The following PSMA8 variants were observed in gnomAD, a reference collection of about 807,000 sequenced individuals.
PSMA8 encodes proteasome 20S subunit alpha 8.
In PSMA8, 18 loss-of-function variants were observed where a neutral mutation model predicts 32.4. That is an observed-to-expected ratio of 0.56 (90% CI 0.38 to 0.82). The LOEUF (loss-of-function observed/expected upper bound fraction) is 0.82. PSMA8 is among the 40% of genes least tolerant of loss of function. PSMA8 has a pLI of 0.00. For missense variants in PSMA8, 298 were observed against 300.7 expected (o/e 0.99, Z 0.07); for synonymous variants, 104 against 98.1 (o/e 1.06, Z -0.36).
intron 6 of PSMA8, among the ~76,000 whole-genome samples, chr18:26,182,573 G>A (rs948330770): frequency 1.1e-4 from 16 of 152,176 alleles, no homozygotes; most frequent in African/African-American, 1.4e-4. Context: ...CAGTAGCTCC[G>A]ATGGACATGT....
chr18:26,139,954 G>C (rs1420272894), intron 1 of PSMA8: 2 of 672,360 alleles, frequency 3.0e-6, no homozygotes, highest in Admixed American at 4.3e-5. Context: ...CTGTACTCTT[G>C]TAGCTTACTG....
At chr18:26,136,774 C>T (rs573506345) in intron 1 of PSMA8, among the ~76,000 whole-genome samples, 74 of 152,284 alleles carry the variant, frequency 4.9e-4, no homozygotes, top group African/African-American at 1.7e-3. Context: ...TGGTATAATT[C>T]ATTTTTCTAT....
chr18:26,134,100 G>A, intron 1 of PSMA8, 33 bp downstream of exon 1: 1 of 1,518,674 alleles, frequency 6.6e-7, no homozygotes, highest in Non-Finnish European at 9.1e-7. Flanking sequence ...ACTATTCCCC[G>A]CTCTGACCTG....
intron 4 of PSMA8, among the ~76,000 whole-genome samples, chr18:26,176,686 A>T (rs938287275): frequency 2.0e-5 from 3 of 152,188 alleles, no homozygotes; most frequent in African/African-American, 7.2e-5. Flanking sequence ...TAATCTCAGC[A>T]CTTTGGGAGG....
Position 26,188,578 on chromosome 18 carries a change from C to T in PSMA8, c.661-3741C>T, listed in dbSNP as rs753825961. 4.6e-5 allele frequency among the ~76,000 whole-genome samples: 7 copies of T among 152,216 alleles called. No homozygotes were observed. In the South Asian group the frequency reaches 8.3e-4, roughly 18 times the overall value. ...GGACAAAACTGAAGGAATCATATTG[C>T]CTGACTTCAAATTATGCTACAGAGC... On this transcript the variant is annotated intron_variant, in intron 6 of 6. Coordinates refer to ENST00000415576, the MANE Select transcript of PSMA8 (RefSeq NM_001025096.2).
Position 26,186,416 on chromosome 18 carries a change from A to G in PSMA8, c.661-5903A>G, listed in dbSNP as rs190126073. On this transcript the variant is annotated intron_variant, in intron 6 of 6. Transcript: ENST00000415576. ...CACATATGGTTATGATGAGTACTGT[A>G]TTATTAAATTAGAAAAACACATAAG... Among the ~76,000 whole-genome samples, 184 of 152,162 alleles carry G rather than the reference A, an allele frequency of 1.2e-3. 1 individual carries two copies. In the Middle Eastern group the frequency reaches 0.014, roughly 11 times the overall value.
intron 4 of PSMA8, among the ~76,000 whole-genome samples, chr18:26,162,934 G>A (rs182629788): frequency 2.0e-5 from 3 of 151,960 alleles, no homozygotes; most frequent in Admixed American, 1.3e-4. Context: ...AGAATAATAA[G>A]CATGTGAGTT....
rs545206088 is a variant in PSMA8 at position 26,183,253 on chromosome 18, G to A, written c.660+4123G>A. 2.1e-4 allele frequency among the ~76,000 whole-genome samples: 31 copies of A among 149,988 alleles called. 1 individual carries two copies. The highest frequency in any genetic ancestry group is 6.6e-4 in the Admixed American group (10 of 15,064). Reference sequence around the variant, plus strand: ...CTGAAAATACAAAAATTAGCTGGGCGTGGTGGTGGGCACCTGTAATCCCAG... The same window carrying A: ...CTGAAAATACAAAAATTAGCTGGGCATGGTGGTGGGCACCTGTAATCCCAG... On this transcript the variant is annotated intron_variant, in intron 6 of 6. Transcript: ENST00000415576.
chr18:26,170,069 A>G (rs2055209238), intron 4 of PSMA8, among the ~76,000 whole-genome samples: 2 of 98,656 alleles, frequency 2.0e-5, no homozygotes, highest in South Asian at 6.3e-4. Context: ...TCTCAGCAGT[A>G]TGGAGCTTGT....
chr18:26,163,213 GTA>G (rs58945617), intron 4 of PSMA8, among the ~76,000 whole-genome samples: 1,922 of 80,482 alleles, frequency 0.024, 54 homozygotes, highest in African/African-American at 0.038. Context: ...ATGTGTGTGT[GTA>G]TATATATATA....
Position 26,162,629 on chromosome 18 carries a change from G to C in PSMA8, c.477+4385G>C, listed in dbSNP as rs8093168. On this transcript the variant is annotated intron_variant, in intron 4 of 6. Transcript: ENST00000415576. ...GCCTGTAATCCCAGCACTTTGGGAG[G>C]CCGAGGTGGGCAGATCACAAGGTCA... 8.4e-3 allele frequency among the ~76,000 whole-genome samples: 1,278 copies of C among 152,252 alleles called. 18 individuals carry two copies. Among genetic ancestry groups the C allele is most frequent in the African/African-American group, 0.03 (1,243 of 41,532 alleles).
At chr18:26,188,340 C>CAAAAA (rs35512719) in intron 6 of PSMA8, among the ~76,000 whole-genome samples, 1 of 143,662 alleles carries the variant, frequency 7.0e-6, no homozygotes. Context: ...AAAAGGACAC[C>CAAAAA]AAAAAAAAAA....
intron 4 of PSMA8, among the ~76,000 whole-genome samples, chr18:26,177,700 A>G (rs778078136): frequency 5.7e-4 from 87 of 152,326 alleles, no homozygotes; most frequent in Admixed American, 2.7e-3. Context: ...AAGGAATAGA[A>G]GCCCTTCTTG....
intron 1 of PSMA8, among the ~76,000 whole-genome samples, chr18:26,135,712 C>G (rs2144262241): frequency 6.6e-6 from 1 of 152,216 alleles, no homozygotes; most frequent in Non-Finnish European, 1.5e-5. Flanking sequence ...TAGGAGAAGA[C>G]TAGGGTGTAA....
intron 6 of PSMA8, among the ~76,000 whole-genome samples, chr18:26,189,408 C>T (rs1368548152): frequency 6.6e-6 from 1 of 152,000 alleles, no homozygotes; most frequent in Non-Finnish European, 1.5e-5. Flanking sequence ...TGGTGTGCTC[C>T]TGTGGTCCCA....
At chr18:26,179,962 G>A (rs1173786409) in intron 6 of PSMA8, among the ~76,000 whole-genome samples, 2 of 149,844 alleles carry the variant, frequency 1.3e-5, no homozygotes, top group African/African-American at 4.9e-5. Flanking sequence ...AAAAAAAAAA[G>A]GATTGTTGCC....
intron 6 of PSMA8, among the ~76,000 whole-genome samples, chr18:26,191,122 T>A (rs1270161682): frequency 6.6e-6 from 1 of 152,164 alleles, no homozygotes; most frequent in Non-Finnish European, 1.5e-5. Context: ...TTTGGCCAAA[T>A]ATAATTTAGC....
intron 1 of PSMA8, among the ~76,000 whole-genome samples, chr18:26,139,766 T>C (rs1239624870): frequency 6.6e-6 from 1 of 152,026 alleles, no homozygotes; most frequent in African/African-American, 2.4e-5. Context: ...AGAAACCAGG[T>C]TGTTGTGGGC....
At position 26,134,067 on chromosome 18, in the gene PSMA8, G is replaced by A; in HGVS notation, c.102G>A (p.Ala34=). 2 of 1,609,892 alleles carry A rather than the reference G, an allele frequency of 1.2e-6. No individual in the cohort carries two copies. Among genetic ancestry groups the A allele is most frequent in the Non-Finnish European group, 1.7e-6 (2 of 1,176,166 alleles). Residue 34 remains alanine (A), a splice_region_variant and synonymous_variant, in exon 1 of 7, where the codon GCG becomes GCA. Coordinates refer to ENST00000415576, the MANE Select transcript of PSMA8 (RefSeq NM_001025096.2). ...AQEAVKKGST[A]VGIRGTNIVV... ...AAGCGGTGAAGAAAGGATCCACCGC[G>A]GTGAGGAAGCAACTATTACCGGACT... is the stretch of plus-strand genomic sequence containing the variant.
Sources: gnomAD v4.1 joint callset for allele counts (sites outside exome capture counted in the v4.1 genomes callset) on GRCh38, gnomAD v4.1.1 for gene constraint, MANE v1.5 for transcripts, NCBI Gene and HGNC (gene_info 2026-07-23, HGNC 2026-07-21) for gene names.